NRF1: variants seen among roughly 807,000 people sequenced by gnomAD.
NRF1 encodes alpha palindromic-binding protein.
In NRF1, 5 loss-of-function variants were observed where a neutral mutation model predicts 58.5. That is an observed-to-expected ratio of 0.09 (90% CI 0.04 to 0.18). The LOEUF (loss-of-function observed/expected upper bound fraction) is 0.18, where lower values mean the gene tolerates loss of function less well. Among genes scored for constraint, NRF1 ranks in the 10% least tolerant of loss-of-function variants. The probability of loss-of-function intolerance (pLI) is 1.00; values close to 1 mark genes in which losing one functional copy is unlikely to be tolerated. For missense variants in NRF1, 288 were observed against 657.7 expected (o/e 0.44, Z 6.15); for synonymous variants, 224 against 246.7 (o/e 0.91, Z 0.86).
At chr7:129,727,393 T>C (rs375429395) in intron 10 of NRF1, 28 bp downstream of exon 10, 98 of 1,564,832 alleles carry the variant, frequency 6.3e-5, no homozygotes, top group Non-Finnish European at 7.5e-5. Flanking sequence ...TTTTATTAAA[T>C]TTCTTCCCTG....
intron 1 of NRF1, among the ~76,000 whole-genome samples, chr7:129,621,960 T>C (rs1800806777): frequency 6.6e-6 from 1 of 152,010 alleles, no homozygotes; most frequent in Non-Finnish European, 1.5e-5. Context: ...TTTTTGTGTT[T>C]TTAGTAGAGA....
intron 4 of NRF1, among the ~76,000 whole-genome samples, chr7:129,687,522 C>G (rs985185667): frequency 6.6e-6 from 1 of 152,114 alleles, no homozygotes; most frequent in African/African-American, 2.4e-5. Context: ...GTGATCTGCC[C>G]GCCTCGGCCT....
intron 1 of NRF1, among the ~76,000 whole-genome samples, chr7:129,629,489 G>T (rs548066897): frequency 4.6e-5 from 7 of 152,024 alleles, no homozygotes; most frequent in African/African-American, 1.7e-4. Flanking sequence ...TGGCCAGGCT[G>T]TTCTCAAACT....
rs144317536 is a variant in NRF1 at position 129,756,891 on chromosome 7, G to A, written c.*1710G>A. On this transcript the variant is annotated 3_prime_UTR_variant, in exon 11 of 11. Transcript: ENST00000393232. ...ATTTTTTTAATTATTATTTTTTATC[G>A]TCATTGTGAAGTTGTCCAGGGACTT... 7 of 151,784 alleles carry A rather than the reference G, an allele frequency of 4.6e-5. No individual in the cohort carries two copies. Among genetic ancestry groups the A allele is most frequent in the East Asian group, 1.9e-4 (1 of 5,170 alleles). The allele number at this position is 151,784 out of a possible 1,614,324, so 9.4% of individuals were successfully genotyped here. A position where few individuals can be genotyped will look rare whatever the true frequency, so the allele number is the denominator to read the frequency against.
At chr7:129,614,968 G>A (rs532890585) in intron 1 of NRF1, among the ~76,000 whole-genome samples, 2 of 152,058 alleles carry the variant, frequency 1.3e-5, no homozygotes, top group Non-Finnish European at 2.9e-5. Context: ...TTGTTTTAAG[G>A]GAAATTTAAG....
intron 5 of NRF1, among the ~76,000 whole-genome samples, chr7:129,693,033 T>C (rs1483490645): frequency 2.0e-5 from 3 of 152,240 alleles, no homozygotes; most frequent in African/African-American, 7.2e-5. Context: ...GTATACTTAT[T>C]TGTGGTCTCC....
chr7:129,729,034 A>G (rs1803517985), intron 10 of NRF1, among the ~76,000 whole-genome samples: 2 of 152,214 alleles, frequency 1.3e-5, no homozygotes, highest in African/African-American at 2.4e-5. Context: ...AGCAAAGGGT[A>G]GGATATCTGG....
At chr7:129,732,761 C>G (rs1293941124) in intron 10 of NRF1, among the ~76,000 whole-genome samples, 2 of 151,888 alleles carry the variant, frequency 1.3e-5, no homozygotes, top group Non-Finnish European at 2.9e-5. Context: ...TACCACCACA[C>G]CCAGCTATTT....
At chr7:129,743,955 C>T (rs969941845) in intron 10 of NRF1, among the ~76,000 whole-genome samples, 15 of 152,224 alleles carry the variant, frequency 9.9e-5, no homozygotes, top group Non-Finnish European at 2.1e-4. Flanking sequence ...ATGACCTCCT[C>T]TCCCTTCAAC....
intron 1 of NRF1, among the ~76,000 whole-genome samples, chr7:129,642,266 G>C (rs756803125): frequency 2.6e-5 from 4 of 152,072 alleles, no homozygotes; most frequent in Non-Finnish European, 4.4e-5. Context: ...TTACAGACGT[G>C]AGCCACCGCG....
intron 10 of NRF1, among the ~76,000 whole-genome samples, chr7:129,740,694 G>A (rs1803826488): frequency 6.6e-6 from 1 of 152,242 alleles, no homozygotes; most frequent in Non-Finnish European, 1.5e-5. Context: ...CCTCATGAGA[G>A]TATCTCCTGT....
chr7:129,669,376 C>CT (rs1277707249), intron 2 of NRF1, among the ~76,000 whole-genome samples: 1 of 152,168 alleles, frequency 6.6e-6, no homozygotes, highest in Non-Finnish European at 1.5e-5. Flanking sequence ...CTAGCTAATG[C>CT]TATGCCTGCT....
chr7:129,724,997 G>C (rs1469987864), intron 9 of NRF1, among the ~76,000 whole-genome samples: 1 of 152,182 alleles, frequency 6.6e-6, no homozygotes. Context: ...GATTGCTTGA[G>C]CCCGGGAATT....
chr7:129,711,688 A>C, intron 8 of NRF1, 112 bp downstream of exon 8: 1 of 780,724 alleles, frequency 1.3e-6, no homozygotes, highest in East Asian at 2.7e-5. Context: ...CTTTCATTTA[A>C]ACCTTTTAAA....
Position 129,634,039 on chromosome 7 carries a change from AAAAG to A in NRF1, c.-7+22217_-7+22220del, listed in dbSNP as rs1353863829. On this transcript the variant is annotated intron_variant, in intron 1 of 10. Coordinates refer to ENST00000393232, the MANE Select transcript of NRF1 (RefSeq NM_005011.5). ...TTTTACATCTGTATTTAAAAAAAAA[AAAAG>A]ATATATATATATATATATACACACA... Among the ~76,000 whole-genome samples the A allele has an allele frequency of 2.0e-3, 179 of 89,398 alleles. 1 individual carries two copies. The highest frequency in any genetic ancestry group is 4.3e-3 in the African/African-American group (84 of 19,510). 58.6% of individuals were successfully genotyped at this position (89,398 alleles called of 152,430 possible). A position where few individuals can be genotyped will look rare whatever the true frequency, so the allele number is the denominator to read the frequency against.
intron 5 of NRF1, among the ~76,000 whole-genome samples, chr7:129,707,067 C>A (rs1003123919): frequency 2.6e-5 from 4 of 152,144 alleles, no homozygotes; most frequent in Non-Finnish European, 5.9e-5. Context: ...CATCATGGCT[C>A]ACTGCATCCT....
chr7:129,636,992 A>G (rs1397591042), intron 1 of NRF1, among the ~76,000 whole-genome samples: 1 of 152,182 alleles, frequency 6.6e-6, no homozygotes, highest in East Asian at 1.9e-4. Flanking sequence ...TATAATGCCT[A>G]GTAAGTAAAA....
chr7:129,639,607 A>C (rs1302425241), intron 1 of NRF1, among the ~76,000 whole-genome samples: 1 of 145,072 alleles, frequency 6.9e-6, no homozygotes, highest in Non-Finnish European at 1.5e-5. Flanking sequence ...GTGCAGTGGC[A>C]TGATCTCAGG....
chr7:129,650,196 A>G (rs529142127), intron 1 of NRF1, among the ~76,000 whole-genome samples: 2 of 147,590 alleles, frequency 1.4e-5, no homozygotes, highest in East Asian at 2.0e-4. Flanking sequence ...TAAATGAAGT[A>G]TTGACTAATC....
Sources: gnomAD v4.1 joint callset for allele counts (sites outside exome capture counted in the v4.1 genomes callset) on GRCh38, gnomAD v4.1.1 for gene constraint, MANE v1.5 for transcripts, NCBI Gene and HGNC (gene_info 2026-07-23, HGNC 2026-07-21) for gene names.